The following CUX2 variants were observed in gnomAD, a reference collection of about 807,000 sequenced individuals.
CUX2 encodes homeobox protein cut-like 2.
CUX2 carries 40 observed loss-of-function variants against 144.8 expected under a neutral mutation model. The observed-to-expected ratio is 0.28, with a 90% confidence interval of 0.21 to 0.36. The LOEUF (loss-of-function observed/expected upper bound fraction) is 0.36. CUX2 is among the 10% of genes least tolerant of loss of function. CUX2 has a pLI of 1.00. For synonymous variants in CUX2, 827 were observed against 875.6 expected (o/e 0.94, Z 0.98); for missense variants, 1,615 against 1,994.0 (o/e 0.81, Z 3.62).
chr12:111,175,096 G>T (rs1236053292), intron 1 of CUX2, among the ~76,000 whole-genome samples: 1 of 152,118 alleles, frequency 6.6e-6, no homozygotes, highest in Non-Finnish European at 1.5e-5. Flanking sequence ...AATCAATTTT[G>T]TACATCCCTG....
intron 1 of CUX2, among the ~76,000 whole-genome samples, chr12:111,179,569 C>G (rs774043668): frequency 6.6e-6 from 1 of 151,860 alleles, no homozygotes; most frequent in Non-Finnish European, 1.5e-5. Context: ...AGAGTTCATT[C>G]CGGCTGATCT....
At chr12:111,121,390 T>C (rs1394692692) in intron 1 of CUX2, among the ~76,000 whole-genome samples, 1 of 139,870 alleles carries the variant, frequency 7.1e-6, no homozygotes, top group African/African-American at 2.7e-5. Context: ...TTTTTTTTTT[T>C]TTTTGAGACG....
Position 111,320,274 on chromosome 12 carries a change from G to C in CUX2, c.2265G>C (p.Ala755=), listed in dbSNP as rs1426000034. 1.3e-6 allele frequency: 2 copies of C among 1,594,292 alleles called. No individual in the cohort carries two copies. The highest frequency in any genetic ancestry group is 1.1e-5 in the South Asian group (1 of 90,648). The change falls in exon 17 of 22, where the codon GCG becomes GCC. Residue 755 remains alanine (A), a synonymous_variant. Transcript: ENST00000261726. This position sits in a 1 kb window ranked among gnomAD's most constrained non-coding sequence, Gnocchi z 8.1. Reference sequence around the variant, plus strand: ...AGGAGGAGGGCAGCGGGGGCCCCGCGCAGGCGCCGCTCCCGGTCCTGTCCC... The same window carrying C: ...AGGAGGAGGGCAGCGGGGGCCCCGCCCAGGCGCCGCTCCCGGTCCTGTCCC... ...VKQEEGSGGP[A]QAPLPVLSPA...
chr12:111,234,466 T>TA lies in CUX2; in HGVS notation c.222+16537dup, dbSNP rs551923500. 4.5e-4 allele frequency among the ~76,000 whole-genome samples: 69 copies of TA among 152,004 alleles called. 1 individual carries two copies. The South Asian group carries it at 8.7e-3, about 19-fold the overall frequency. On this transcript the variant is annotated intron_variant, in intron 3 of 21. Coordinates refer to ENST00000261726, the MANE Select transcript of CUX2 (RefSeq NM_015267.4). The stretch of plus-strand genomic sequence containing the variant: ...TGGGATCCCATGCCCAAGGTCCACT[T>TA]AAAAAAAAGCCAGTGTGCAGTAGGA...
rs1884946615 is a variant in CUX2, at chr12:111,277,782, G to A, written c.302-13636G>A. 6.6e-6 allele frequency among the ~76,000 whole-genome samples: 1 copy of A among 152,166 alleles called. No homozygotes were observed. The highest frequency in any genetic ancestry group is 2.4e-5 in the African/African-American group (1 of 41,426). On this transcript the variant is annotated intron_variant, in intron 4 of 21. Transcript: ENST00000261726. This position sits in a 1 kb window ranked among gnomAD's most constrained non-coding sequence, Gnocchi z 5.0. ...TGGTGGCTAAATGACGACTGCATTA[G>A]GGACTCTTAGTCACCTGTCACGGCT...
intron 16 of CUX2, among the ~76,000 whole-genome samples, chr12:111,317,356 C>T (rs759011714): frequency 1.3e-5 from 2 of 152,130 alleles, no homozygotes; most frequent in African/African-American, 4.8e-5. Flanking sequence ...TCAGGGCTGC[C>T]GCCTGCATGG....
chr12:111,172,418 T>C (rs1419309797), intron 1 of CUX2, among the ~76,000 whole-genome samples: 1 of 152,252 alleles, frequency 6.6e-6, no homozygotes, highest in Non-Finnish European at 1.5e-5. Flanking sequence ...AGATTTGGGC[T>C]GTCCAAGCTG....
intron 1 of CUX2, among the ~76,000 whole-genome samples, chr12:111,113,227 A>G (rs986787294): frequency 6.6e-6 from 1 of 152,206 alleles, no homozygotes; most frequent in Non-Finnish European, 1.5e-5. Context: ...CATCTGACTC[A>G]GAACTTGTGA....
In CUX2 at chr12:111,034,199, A is replaced by C; in HGVS notation, c.22A>C (p.Met8Leu). The C allele has an allele frequency of 7.1e-7, 1 of 1,400,360 alleles. No homozygotes were observed. The highest frequency in any genetic ancestry group is 9.5e-7 in the Non-Finnish European group (1 of 1,047,938). 86.7% of individuals were successfully genotyped at this position (1,400,360 alleles called of 1,614,324 possible). Residue 8 changes from methionine to leucine, a missense_variant, in exon 1 of 22, where the codon ATG (methionine) becomes CTG (leucine). Physicochemically the swap from Met to Leu is conservative, Grantham distance 15 (BLOSUM62 2). This residue lies in a region of CUX2 where 64 missense variants were observed against 64.9 expected (regional missense o/e 0.99). Coordinates refer to ENST00000261726, the MANE Select transcript of CUX2 (RefSeq NM_015267.4). This position sits in a 1 kb window ranked among gnomAD's most constrained non-coding sequence, Gnocchi z 4.2. Reference sequence around the variant, plus strand: ...CAAGATGGCCGCCAATGTGGGATCGATGTTTCAATATTGGAAGCGATTTGA... The same window carrying C: ...CAAGATGGCCGCCAATGTGGGATCGCTGTTTCAATATTGGAAGCGATTTGA... MAANVGS[M>L]FQYWKRFDLR...
intron 3 of CUX2, among the ~76,000 whole-genome samples, chr12:111,230,910 A>G (rs995637278): frequency 4.1e-4 from 63 of 152,156 alleles, no homozygotes; most frequent in Non-Finnish European, 6.6e-4. Flanking sequence ...AACATTATAG[A>G]GTGTTTCCAG....
At chr12:111,273,106 C>T (rs1884706939) in intron 4 of CUX2, among the ~76,000 whole-genome samples, 1 of 152,196 alleles carries the variant, frequency 6.6e-6, no homozygotes, top group Non-Finnish European at 1.5e-5. Context: ...GCAAGGACAA[C>T]ATGACCCAAA....
At chr12:111,296,317 C>T (rs11610256) in intron 7 of CUX2, among the ~76,000 whole-genome samples, 156 bp from the exon 8 acceptor site, 58,264 of 152,044 alleles carry the variant, frequency 0.38, 15,072 homozygotes, top group East Asian at 0.78. Flanking sequence ...ACTCACTCAC[C>T]GTCACCAGTT....
chr12:111,084,420 G>A (rs879669488), intron 1 of CUX2, among the ~76,000 whole-genome samples: 23 of 152,006 alleles, frequency 1.5e-4, no homozygotes, highest in African/African-American at 4.4e-4. Context: ...TCAGTGCACC[G>A]CTGGAGAAAG....
At chr12:111,327,509 T>C (rs1887875808) in intron 18 of CUX2, among the ~76,000 whole-genome samples, 1 of 152,238 alleles carries the variant, frequency 6.6e-6, no homozygotes, top group Non-Finnish European at 1.5e-5. Context: ...TTGTTGACGC[T>C]AGCCATCCTG....
chr12:111,080,516 T>TC (rs1566205736), intron 1 of CUX2, among the ~76,000 whole-genome samples: 1 of 140,616 alleles, frequency 7.1e-6, no homozygotes, highest in East Asian at 2.1e-4. Context: ...TCTGTCTCTC[T>TC]AAAAAAAAAA....
Position 111,320,938 on chromosome 12 carries a change from C to T in CUX2, c.2766+163C>T, listed in dbSNP as rs975505325. ...AGGAAGGAGGGCCACTGTTCTGCTCCGTGGTTGTTAAAACCAGGAAATGCT... is the reference window on the plus strand; with the variant it reads ...AGGAAGGAGGGCCACTGTTCTGCTCTGTGGTTGTTAAAACCAGGAAATGCT... On this transcript the variant is annotated intron_variant, in intron 17 of 21. Coordinates refer to ENST00000261726, the MANE Select transcript of CUX2 (RefSeq NM_015267.4). This position sits in a 1 kb window ranked among gnomAD's most constrained non-coding sequence, Gnocchi z 8.1. 2.6e-5 allele frequency among the ~76,000 whole-genome samples: 4 copies of T among 152,192 alleles called. No individual in the cohort carries two copies. Among genetic ancestry groups the T allele is most frequent in the African/African-American group, 7.2e-5 (3 of 41,454 alleles).
At position 111,253,821 on chromosome 12, in the gene CUX2, CTTT is replaced by C. The variant is rs35792441; in HGVS notation, c.223-9928_223-9926del. Among the ~76,000 whole-genome samples the C allele has an allele frequency of 8.9e-3, 1,263 of 141,206 alleles. 16 individuals carry two copies. The highest frequency in any genetic ancestry group is 0.03 in the African/African-American group (1,170 of 38,690). The allele number at this position is 141,206 out of a possible 152,430, so 92.6% of individuals were successfully genotyped here. On this transcript the variant is annotated intron_variant, in intron 3 of 21. Coordinates refer to ENST00000261726, the MANE Select transcript of CUX2 (RefSeq NM_015267.4). The stretch of plus-strand genomic sequence containing the variant: ...AAAATACTGTTTTTTTAGAAACAGC[CTTT>C]TTTTTTTTTTTGAGATGGAGTCTCA...
Position 111,331,761 on chromosome 12 carries a change from T to C in CUX2, c.2927-2680T>C, listed in dbSNP as rs114125231. Among the ~76,000 whole-genome samples the C allele has an allele frequency of 6.6e-3, 1,004 of 152,008 alleles. 9 individuals are homozygous for C. The highest frequency in any genetic ancestry group is 0.022 in the African/African-American group (925 of 41,468). ...TCTTTCAAATCATTTTTCCAATATA[T>C]AGTCACACAAAATGTCTTTTGAAAA... On this transcript the variant is annotated intron_variant, in intron 18 of 21. Transcript: ENST00000261726.
intron 1 of CUX2, among the ~76,000 whole-genome samples, chr12:111,181,478 G>C (rs56759662): frequency 0.015 from 2,288 of 152,330 alleles, 51 homozygotes; most frequent in African/African-American, 0.051. Context: ...TTTGGCGTCT[G>C]AGAAGCTGCA....
Sources: allele counts gnomAD v4.1 joint callset (sites outside exome capture counted in the v4.1 genomes callset), GRCh38; gene constraint gnomAD v4.1.1; regional missense constraint gnomAD v4.1.1; non-coding constraint Gnocchi (gnomAD v3.1); transcripts MANE v1.5; gene names NCBI Gene and HGNC (gene_info 2026-07-23, HGNC 2026-07-21).